UACA: variants seen among roughly 807,000 people sequenced by gnomAD.
UACA encodes uveal autoantigen with coiled-coil domains and ankyrin repeats, also known as nuclear membrane binding protein.
In UACA, 112 loss-of-function variants were observed where a neutral mutation model predicts 160.5. The observed-to-expected ratio is 0.70, with a 90% CI of 0.60 to 0.82. The LOEUF (loss-of-function observed/expected upper bound fraction) is 0.82. Ranked by LOEUF, UACA falls within the 40% of genes least tolerant of loss-of-function variation. UACA has a pLI of 0.00. For missense variants in UACA, 1,574 were observed against 1,614.6 expected, an observed-to-expected ratio of 0.97 and a Z score of 0.43; for synonymous variants, 557 against 568.4, an observed-to-expected ratio of 0.98 and a Z score of 0.29.
intron 2 of UACA, among the ~76,000 whole-genome samples, chr15:70,697,069 C>T (rs1270713113): frequency 6.6e-6 from 1 of 152,132 alleles, no homozygotes; most frequent in African/African-American, 2.4e-5. Flanking sequence ...AAAATCAACT[C>T]TATGTTTTCT....
chr15:70,760,497 C>T (rs769381316), intron 1 of UACA, among the ~76,000 whole-genome samples: 9 of 151,992 alleles, frequency 5.9e-5, no homozygotes, highest in Non-Finnish European at 1.2e-4. Context: ...GGAAAAATAT[C>T]GACAACCCAA....
chr15:70,713,241 C>A (rs1435834648), intron 1 of UACA, among the ~76,000 whole-genome samples: 2 of 152,150 alleles, frequency 1.3e-5, no homozygotes, highest in Non-Finnish European at 2.9e-5. Context: ...GTCCCAGCTA[C>A]TCGGGAGGCT....
chr15:70,665,332 T>C (rs1462544705), intron 16 of UACA, among the ~76,000 whole-genome samples: 2 of 152,158 alleles, frequency 1.3e-5, no homozygotes, highest in East Asian at 1.9e-4. Flanking sequence ...CCTAGAAACA[T>C]AGCATTTTTC....
intron 1 of UACA, chr15:70,702,229 A>T (rs1433580754): frequency 9.1e-7 from 1 of 1,093,948 alleles, no homozygotes. Flanking sequence ...TGTCCCTTTG[A>T]GGGACCCCAC....
chr15:70,744,887 T>C (rs147875462), intron 1 of UACA, among the ~76,000 whole-genome samples: 196 of 152,260 alleles, frequency 1.3e-3, no homozygotes, highest in Non-Finnish European at 2.0e-3. Flanking sequence ...AGTGATACCA[T>C]AGAATGAGAA....
At chr15:70,747,438 T>C (rs889585714) in intron 1 of UACA, among the ~76,000 whole-genome samples, 1 of 152,036 alleles carries the variant, frequency 6.6e-6, no homozygotes, top group Non-Finnish European at 1.5e-5. Flanking sequence ...GTCATCATCA[T>C]GGCTCACTTC....
At chr15:70,762,614 G>GC (rs953256129) in intron 1 of UACA, among the ~76,000 whole-genome samples, 7 of 152,186 alleles carry the variant, frequency 4.6e-5, no homozygotes, top group Non-Finnish European at 1.0e-4. Context: ...CACCGAAAGA[G>GC]CCCCGCACGG....
At chr15:70,778,269 C>T in the UACA span, among the ~76,000 whole-genome samples, 2 of 152,128 alleles carry the variant, frequency 1.3e-5, no homozygotes, top group Non-Finnish European at 2.9e-5. Context: ...ATAGGCTAAC[C>T]CAAAGTACTC....
chr15:70,717,426 G>A (rs910815189), intron 1 of UACA, among the ~76,000 whole-genome samples: 1 of 152,160 alleles, frequency 6.6e-6, no homozygotes, highest in African/African-American at 2.4e-5. Context: ...AGGCCATGTG[G>A]TTTCTGTTTT....
intron 1 of UACA, among the ~76,000 whole-genome samples, chr15:70,721,546 G>A (rs995981152): frequency 6.6e-6 from 1 of 151,542 alleles, no homozygotes; most frequent in Non-Finnish European, 1.5e-5. Context: ...AGAATGGCGT[G>A]AACCCAGGAG....
intron 1 of UACA, among the ~76,000 whole-genome samples, chr15:70,760,249 A>T (rs1410470715): frequency 6.6e-6 from 1 of 152,038 alleles, no homozygotes; most frequent in Non-Finnish European, 1.5e-5. Context: ...AAAAAACTAG[A>T]AGAAAGTTGG....
chr15:70,661,419 T>C (rs551116812), intron 17 of UACA: 1 of 152,244 alleles, frequency 6.6e-6, no homozygotes, highest in East Asian at 1.9e-4. Flanking sequence ...ATGAACATAA[T>C]AAACAATAAA....
chr15:70,748,015 A>C (rs933540764), intron 1 of UACA, among the ~76,000 whole-genome samples: 2 of 152,128 alleles, frequency 1.3e-5, no homozygotes. Context: ...ATATATGCTG[A>C]ATTTTTTGTT....
At chr15:70,694,478 C>G (rs1275707678) in intron 3 of UACA, among the ~76,000 whole-genome samples, 1 of 152,282 alleles carries the variant, frequency 6.6e-6, no homozygotes, top group East Asian at 1.9e-4. Context: ...CAGATTCTGA[C>G]TGCGACTTAG....
intron 1 of UACA, among the ~76,000 whole-genome samples, chr15:70,753,874 C>T (rs901103822): frequency 2.6e-5 from 4 of 152,176 alleles, no homozygotes; most frequent in East Asian, 1.9e-4. Context: ...GGCGCGATCT[C>T]GGCTCAATGC....
Position 70,667,903 on chromosome 15 carries a change from C to G in UACA, c.2781G>C (p.Glu927Asp). ...TTAGCGAGCTCATCTTTGCCTCGTG[C>G]TCTGCCAGGCTGATGTACTCAGCTT... Reference protein sequence around the residue: ...QIKAEYISLAEHEAKMSSLSQ... With the variant: ...QIKAEYISLADHEAKMSSLSQ... The change falls in exon 16 of 19, where the codon GAG (glutamate) becomes GAC (aspartate). Residue 927 changes from glutamate (E) to aspartate (D), a missense_variant. Coordinates refer to ENST00000322954, the MANE Select transcript of UACA (RefSeq NM_018003.4). 1.2e-6 allele frequency: 2 copies of G among 1,614,014 alleles called. No individual in the cohort carries two copies.
intron 1 of UACA, among the ~76,000 whole-genome samples, chr15:70,721,168 T>C (rs1331487623): frequency 6.6e-6 from 1 of 152,128 alleles, no homozygotes; most frequent in African/African-American, 2.4e-5. Flanking sequence ...TAGTTGAATA[T>C]AGTGTGAGAT....
chr15:70,706,570 C>T (rs1407940539), intron 1 of UACA, among the ~76,000 whole-genome samples: 1 of 138,630 alleles, frequency 7.2e-6, no homozygotes, highest in African/African-American at 2.7e-5. Flanking sequence ...CATACTCATA[C>T]ACACAAACAA....
intron 8 of UACA, among the ~76,000 whole-genome samples, chr15:70,683,708 T>A (rs1007195560): frequency 2.6e-5 from 4 of 152,074 alleles, no homozygotes; most frequent in African/African-American, 9.7e-5. Context: ...AAAAGTAAGC[T>A]ACAATTCAGA....
Sources: allele counts gnomAD v4.1 joint callset (sites outside exome capture counted in the v4.1 genomes callset), GRCh38; gene constraint gnomAD v4.1.1; transcripts MANE v1.5; gene names NCBI Gene and HGNC (gene_info 2026-07-23, HGNC 2026-07-21).